Variants in SMARCAD1 observed in about 807,000 individuals in gnomAD.
SMARCAD1 encodes SWI/SNF-related matrix-associated actin-dependent regulator of chromatin subfamily A containing DEAD/H box 1.
In SMARCAD1, 25 loss-of-function variants were observed where a neutral mutation model predicts 127.1. The ratio of observed to expected loss-of-function variants is 0.20; its 90% confidence interval spans 0.14 to 0.27. SMARCAD1 has a LOEUF of 0.27. Ranked by LOEUF, SMARCAD1 falls within the 10% of genes least tolerant of loss-of-function variation. SMARCAD1 has a pLI of 1.00. For missense variants in SMARCAD1, 807 were observed against 1,206.0 expected (o/e 0.67, Z 4.90); for synonymous variants, 400 against 396.9 (o/e 1.01, Z -0.09).
At chr4:94,262,834 A>G (rs1751198708) in intron 9 of SMARCAD1, among the ~76,000 whole-genome samples, 1 of 151,520 alleles carries the variant, frequency 6.6e-6, no homozygotes. Flanking sequence ...CGTAGACCAC[A>G]AGGACAGGGC....
At chr4:94,252,500 C>T (rs1026454052) in intron 8 of SMARCAD1, 116 bp from the exon 9 acceptor site, 5 of 607,948 alleles carry the variant, frequency 8.2e-6, no homozygotes, top group African/African-American at 1.9e-5. Flanking sequence ...AATAAATTGT[C>T]GTTGAATTCT....
At chr4:94,217,898 G>A (rs1228726517) in intron 2 of SMARCAD1, among the ~76,000 whole-genome samples, 1 of 152,182 alleles carries the variant, frequency 6.6e-6, no homozygotes, top group Non-Finnish European at 1.5e-5. Context: ...AGTAAGAGCT[G>A]CTCACATTTT....
At chr4:94,276,574 T>C in intron 15 of SMARCAD1, 100 bp downstream of exon 15, 1 of 1,420,218 alleles carries the variant, frequency 7.0e-7, no homozygotes, top group Non-Finnish European at 9.6e-7. Flanking sequence ...TTATGTAGTT[T>C]AATATATGTA....
chr4:94,270,898 T>C (rs1752452563), intron 11 of SMARCAD1, 80 bp downstream of exon 11: 2 of 1,270,480 alleles, frequency 1.6e-6, no homozygotes, highest in Admixed American at 3.5e-5. Context: ...AACATGAAAC[T>C]TTTTTTTGCT....
intron 4 of SMARCAD1, among the ~76,000 whole-genome samples, chr4:94,236,438 G>T (rs1236677204): frequency 6.6e-6 from 1 of 151,952 alleles, no homozygotes; most frequent in African/African-American, 2.4e-5. Context: ...AAAATTAAGA[G>T]CCCCTATCCC....
chr4:94,239,565 T>TTG (rs974354068), intron 5 of SMARCAD1, among the ~76,000 whole-genome samples: 7 of 151,434 alleles, frequency 4.6e-5, no homozygotes, highest in South Asian at 2.1e-4. Context: ...CTGTTGTGTT[T>TTG]TTTTTTTTTT....
chr4:94,242,838 C>T (rs1747803135), intron 6 of SMARCAD1, among the ~76,000 whole-genome samples: 1 of 152,044 alleles, frequency 6.6e-6, no homozygotes, highest in South Asian at 2.1e-4. Context: ...ATTACTTGAG[C>T]CCAGAAGGTT....
At chr4:94,237,089 A>G (rs946459050) in intron 5 of SMARCAD1, 71 bp downstream of exon 5, 11 of 1,198,124 alleles carry the variant, frequency 9.2e-6, no homozygotes, top group Admixed American at 1.7e-5. Flanking sequence ...TCTCATTAAT[A>G]TTGCTCCACA....
intron 18 of SMARCAD1, 90 bp downstream of exon 18, chr4:94,278,823 T>G (rs977553168): frequency 1.2e-6 from 2 of 1,600,776 alleles, no homozygotes; most frequent in Non-Finnish European, 1.7e-6. Flanking sequence ...TTGTGCATTT[T>G]AAAAAATTAT....
At chr4:94,221,819 A>G (rs566831706) in intron 2 of SMARCAD1, among the ~76,000 whole-genome samples, 9 of 150,310 alleles carry the variant, frequency 6.0e-5, no homozygotes, top group African/African-American at 1.2e-4. Context: ...TATTAGGTCT[A>G]TATGTACATG....
intron 2 of SMARCAD1, among the ~76,000 whole-genome samples, chr4:94,213,663 C>T (rs569397451): frequency 6.6e-6 from 1 of 152,054 alleles, no homozygotes; most frequent in Non-Finnish European, 1.5e-5. Context: ...GTAAATGATA[C>T]GCATTTGATG....
intron 2 of SMARCAD1, among the ~76,000 whole-genome samples, chr4:94,223,516 TAAAG>T (rs775154020): frequency 4.0e-5 from 6 of 151,418 alleles, no homozygotes; most frequent in Admixed American, 1.3e-4. Context: ...TAAATAACAA[TAAAG>T]AGAGTTTTTA....
intron 4 of SMARCAD1, among the ~76,000 whole-genome samples, chr4:94,235,830 T>C (rs1348671887): frequency 6.6e-6 from 1 of 152,086 alleles, no homozygotes; most frequent in Non-Finnish European, 1.5e-5. Context: ...AGAGTTTTTT[T>C]CTTGTAAAAA....
intron 21 of SMARCAD1, among the ~76,000 whole-genome samples, chr4:94,282,396 C>T (rs1164992341): frequency 4.0e-5 from 6 of 151,836 alleles, no homozygotes; most frequent in Admixed American, 3.9e-4. Flanking sequence ...GCGCCCGGCG[C>T]AAATACGTTT....
chr4:94,213,376 T>C (rs1337339793), intron 2 of SMARCAD1, among the ~76,000 whole-genome samples: 1 of 152,096 alleles, frequency 6.6e-6, no homozygotes, highest in Non-Finnish European at 1.5e-5. Flanking sequence ...TGAAAATATA[T>C]GTTGCCTCCA....
At chr4:94,223,264 G>T (rs1744448086) in intron 2 of SMARCAD1, among the ~76,000 whole-genome samples, 1 of 152,062 alleles carries the variant, frequency 6.6e-6, no homozygotes, top group Non-Finnish European at 1.5e-5. Context: ...GGAGGCCGAG[G>T]CAGGTGGATC....
chr4:94,242,279 A>T (rs1304608238), intron 6 of SMARCAD1, among the ~76,000 whole-genome samples: 1 of 151,774 alleles, frequency 6.6e-6, no homozygotes, highest in Non-Finnish European at 1.5e-5. Flanking sequence ...TCCTGACCTC[A>T]AGTGATCCAC....
At chr4:94,269,058 A>G (rs1320559443) in intron 10 of SMARCAD1, among the ~76,000 whole-genome samples, 2 of 152,194 alleles carry the variant, frequency 1.3e-5, no homozygotes, top group East Asian at 3.8e-4. Context: ...GAATTAGAAA[A>G]GAATTATAAA....
intron 2 of SMARCAD1, among the ~76,000 whole-genome samples, chr4:94,223,824 G>A (rs913621263): frequency 1.0e-4 from 15 of 144,672 alleles, no homozygotes; most frequent in East Asian, 4.0e-4. Context: ...CTTGTGATCC[G>A]CCCACCTCGG....
Sources: gnomAD v4.1 joint callset for allele counts (sites outside exome capture counted in the v4.1 genomes callset) on GRCh38, gnomAD v4.1.1 for gene constraint, MANE v1.5 for transcripts, NCBI Gene and HGNC (gene_info 2026-07-23, HGNC 2026-07-21) for gene names.